The following PDE3A variants were observed in gnomAD, a reference collection of about 807,000 sequenced individuals.
The protein encoded by PDE3A is cGMP-inhibited 3',5'-cyclic phosphodiesterase 3A.
In PDE3A, 43 loss-of-function variants were observed where a neutral mutation model predicts 98.3. The ratio of observed to expected loss-of-function variants is 0.44; its 90% CI spans 0.34 to 0.56. PDE3A has a LOEUF of 0.56. PDE3A is among the 20% of genes least tolerant of loss of function. The pLI is 0.01. For missense variants in PDE3A, 1,427 were observed against 1,440.7 expected, an observed-to-expected ratio of 0.99 and a Z score of 0.15; for synonymous variants, 663 against 567.9, an observed-to-expected ratio of 1.17 and a Z score of -2.38.
chr12:20,445,924 A>G (rs1178065934), intron 1 of PDE3A, among the ~76,000 whole-genome samples: 2 of 152,180 alleles, frequency 1.3e-5, no homozygotes, highest in Admixed American at 1.3e-4. Context: ...GCATGTGAGA[A>G]GATGAGCATA....
intron 1 of PDE3A, among the ~76,000 whole-genome samples, chr12:20,476,402 TTAA>T (rs1945532784): frequency 1.3e-5 from 2 of 152,342 alleles, no homozygotes; most frequent in Admixed American, 6.5e-5. Flanking sequence ...TGTTATGATC[TTAA>T]TAAGTAGAGA....
At chr12:20,449,059 G>A (rs1945013559) in intron 1 of PDE3A, among the ~76,000 whole-genome samples, 1 of 152,126 alleles carries the variant, frequency 6.6e-6, no homozygotes, top group South Asian at 2.1e-4. Flanking sequence ...AAGCTACTTT[G>A]TAAAAGCAAT....
intron 1 of PDE3A, among the ~76,000 whole-genome samples, chr12:20,386,719 C>A (rs1943817774): frequency 6.6e-6 from 1 of 151,932 alleles, no homozygotes; most frequent in African/African-American, 2.4e-5. Context: ...AAATTTTCTC[C>A]CATTCTATAG....
chr12:20,381,197 T>G (rs970501490), intron 1 of PDE3A, among the ~76,000 whole-genome samples: 21 of 151,820 alleles, frequency 1.4e-4, no homozygotes, highest in African/African-American at 5.1e-4. Context: ...CCTTAAGCAA[T>G]TAACTAGTCC....
rs986786140 is a variant in PDE3A at position 20,409,433 on chromosome 12, C to T, written c.960+39189C>T. On this transcript the variant is annotated intron_variant, in intron 1 of 15. Coordinates refer to ENST00000359062, the MANE Select transcript of PDE3A (RefSeq NM_000921.5). Reference sequence around the variant, plus strand: ...AAAGATGAACTAAGTTTCTTAAGGACAAAAAAGAAAATAATTTTTACCTAC... The same window carrying T: ...AAAGATGAACTAAGTTTCTTAAGGATAAAAAAGAAAATAATTTTTACCTAC... Among the ~76,000 whole-genome samples, 34 of 151,608 alleles carry T rather than the reference C, an allele frequency of 2.2e-4. 1 individual carries two copies. Among genetic ancestry groups the T allele is most frequent in the Non-Finnish European group, 1.5e-5 (1 of 67,890 alleles).
intron 2 of PDE3A, among the ~76,000 whole-genome samples, chr12:20,557,832 T>C (rs10734704): frequency 0.99 from 151,126 of 152,220 alleles, 75,034 homozygotes; most frequent in Middle Eastern, 1. Context: ...TTCCCTCATT[T>C]TTATCTCCCC....
chr12:20,470,426 C>A (rs556133149), intron 1 of PDE3A, among the ~76,000 whole-genome samples: 5 of 150,236 alleles, frequency 3.3e-5, no homozygotes, highest in African/African-American at 1.3e-4. Context: ...GGGGTTGTGT[C>A]CCAGGGTTTC....
chr12:20,462,332 A>C (rs1456633146), intron 1 of PDE3A, among the ~76,000 whole-genome samples: 2 of 152,104 alleles, frequency 1.3e-5, no homozygotes, highest in Non-Finnish European at 2.9e-5. Context: ...CTCTACTAAA[A>C]ATATGAAAAT....
At chr12:20,371,992 C>T (rs1012720401) in intron 1 of PDE3A, among the ~76,000 whole-genome samples, 2 of 151,964 alleles carry the variant, frequency 1.3e-5, no homozygotes, top group African/African-American at 4.8e-5. Flanking sequence ...CAACTTGATT[C>T]CAAATTGATA....
chr12:20,455,812 A>T (rs1407536341), intron 1 of PDE3A, among the ~76,000 whole-genome samples: 1 of 152,106 alleles, frequency 6.6e-6, no homozygotes, highest in Non-Finnish European at 1.5e-5. Flanking sequence ...AAGGTCTAAG[A>T]GGTGGAGAGT....
At chr12:20,541,862 C>T (rs996338326) in intron 1 of PDE3A, among the ~76,000 whole-genome samples, 1 of 152,040 alleles carries the variant, frequency 6.6e-6, no homozygotes, top group Admixed American at 6.6e-5. Context: ...TAAACTTAGT[C>T]AAAAGAATAT....
intron 1 of PDE3A, among the ~76,000 whole-genome samples, chr12:20,483,587 C>T (rs1000820476): frequency 6.6e-6 from 1 of 152,092 alleles, no homozygotes; most frequent in African/African-American, 2.4e-5. Flanking sequence ...TTATCTTTGA[C>T]GTATTTTATT....
intron 1 of PDE3A, chr12:20,449,857 T>G: frequency 1.7e-6 from 1 of 602,578 alleles, no homozygotes; most frequent in Non-Finnish European, 2.9e-6. Flanking sequence ...ACCTGCCCCT[T>G]TTAGTGGACA....
chr12:20,431,676 G>A (rs555353519), intron 1 of PDE3A, among the ~76,000 whole-genome samples: 5 of 151,800 alleles, frequency 3.3e-5, no homozygotes, highest in East Asian at 1.9e-4. Flanking sequence ...CTATTTTGAC[G>A]TATATGTACC....
At chr12:20,614,753 T>C (rs868138663) in intron 3 of PDE3A, among the ~76,000 whole-genome samples, 5 of 152,152 alleles carry the variant, frequency 3.3e-5, no homozygotes, top group Admixed American at 1.3e-4. Flanking sequence ...CATTCAGATG[T>C]TTAAGAGACA....
chr12:20,494,903 C>T (rs1189896344), intron 1 of PDE3A, among the ~76,000 whole-genome samples: 1 of 151,474 alleles, frequency 6.6e-6, no homozygotes, highest in African/African-American at 2.4e-5. Context: ...AAATAGAAGC[C>T]CTATGTTTTG....
intron 10 of PDE3A, among the ~76,000 whole-genome samples, chr12:20,645,756 C>G (rs1184609502): frequency 6.6e-6 from 1 of 152,002 alleles, no homozygotes; most frequent in African/African-American, 2.4e-5. Flanking sequence ...GCATTATGAC[C>G]AGATGGCATT....
At chr12:20,415,306 G>C (rs2120727766) in intron 1 of PDE3A, among the ~76,000 whole-genome samples, 2 of 151,966 alleles carry the variant, frequency 1.3e-5, no homozygotes, top group African/African-American at 4.8e-5. Context: ...TTTTCCCTCA[G>C]GGTAATTATG....
intron 1 of PDE3A, among the ~76,000 whole-genome samples, chr12:20,414,221 A>G (rs1944382568): frequency 1.3e-5 from 2 of 152,218 alleles, no homozygotes; most frequent in Admixed American, 6.5e-5. Flanking sequence ...ACAAATGGCC[A>G]ATAAGGCCAC....
Sources: gnomAD v4.1 joint callset for allele counts (sites outside exome capture counted in the v4.1 genomes callset) on GRCh38, gnomAD v4.1.1 for gene constraint, MANE v1.5 for transcripts, NCBI Gene and HGNC (gene_info 2026-07-23, HGNC 2026-07-21) for gene names.